The following RPTOR variants were observed in gnomAD, a reference collection of about 807,000 sequenced individuals.
RPTOR encodes the protein regulatory-associated protein of mTOR.
RPTOR carries 21 observed loss-of-function variants against 169.9 expected under a neutral mutation model. The observed-to-expected ratio is 0.12, with a 90% CI of 0.09 to 0.18. The LOEUF is 0.18. RPTOR is among the 10% of genes least tolerant of loss of function. The pLI is 1.00. For synonymous variants in RPTOR, 732 were observed against 753.2 expected (o/e 0.97, Z 0.46); for missense variants, 1,133 against 1,855.9 (o/e 0.61, Z 7.16).
chr17:80,789,542 G>A (rs1046763713), intron 6 of RPTOR, among the ~76,000 whole-genome samples: 18 of 152,296 alleles, frequency 1.2e-4, no homozygotes, highest in African/African-American at 4.3e-4. Flanking sequence ...TCCTGTGTGC[G>A]TGCCCTTCAG....
chr17:80,602,766 A>T, intron 1 of RPTOR: 1 of 730,826 alleles, frequency 1.4e-6, no homozygotes, highest in East Asian at 2.5e-5. Context: ...CATCTCCTTC[A>T]TGTCAAATTT....
intron 25 of RPTOR, among the ~76,000 whole-genome samples, chr17:80,941,579 G>A (rs189745146): frequency 6.6e-6 from 1 of 152,352 alleles, no homozygotes; most frequent in African/African-American, 2.4e-5. Context: ...CTCTGGCTGG[G>A]GGACCTCAAG....
chr17:80,650,413 C>T (rs1026679138), intron 3 of RPTOR, among the ~76,000 whole-genome samples: 1 of 152,210 alleles, frequency 6.6e-6, no homozygotes. Context: ...TCGTGCTGGG[C>T]TCACCGCTCC....
intron 3 of RPTOR, among the ~76,000 whole-genome samples, chr17:80,706,297 C>T (rs2066141545): frequency 6.6e-6 from 1 of 152,148 alleles, no homozygotes; most frequent in African/African-American, 2.4e-5. Flanking sequence ...TAGATTTACT[C>T]TGTCGGTTCT....
chr17:80,925,553 C>A, intron 24 of RPTOR, 73 bp downstream of exon 24: 1 of 1,226,570 alleles, frequency 8.2e-7, no homozygotes, highest in South Asian at 1.2e-5. Context: ...TGAGCATAAA[C>A]GCTCAAGGCT....
chr17:80,607,087 C>T (rs2065234730), intron 1 of RPTOR, among the ~76,000 whole-genome samples: 3 of 152,158 alleles, frequency 2.0e-5, no homozygotes, highest in African/African-American at 4.8e-5. Flanking sequence ...TCAGACCCCA[C>T]GGTCTTAGGG....
chr17:80,676,074 AATT>A (rs762565192), intron 3 of RPTOR, among the ~76,000 whole-genome samples: 1 of 132,050 alleles, frequency 7.6e-6, no homozygotes, highest in Admixed American at 7.4e-5. Context: ...TCTGGTGATA[AATT>A]ATTATACGCA....
chr17:80,572,452 G>A (rs905145866), intron 1 of RPTOR, among the ~76,000 whole-genome samples: 2 of 151,908 alleles, frequency 1.3e-5, no homozygotes, highest in African/African-American at 4.8e-5. Flanking sequence ...CCAGTTTTCT[G>A]TTGAGTTGTG....
At chr17:80,724,548 C>A (rs1459404323) in intron 4 of RPTOR, among the ~76,000 whole-genome samples, 1 of 152,308 alleles carries the variant, frequency 6.6e-6, no homozygotes, top group Admixed American at 6.5e-5. Flanking sequence ...TCCTGTGTAT[C>A]CCAGCTATCC....
At chr17:80,937,876 C>T (rs1276031427) in intron 24 of RPTOR, among the ~76,000 whole-genome samples, 3 of 152,260 alleles carry the variant, frequency 2.0e-5, no homozygotes, top group African/African-American at 7.2e-5. Flanking sequence ...CTGCCTCACG[C>T]CGCACCTCCA....
intron 5 of RPTOR, among the ~76,000 whole-genome samples, chr17:80,750,537 C>T (rs563041983): frequency 7.2e-5 from 11 of 152,174 alleles, no homozygotes; most frequent in Non-Finnish European, 1.3e-4. Flanking sequence ...ATAGCCTTCC[C>T]GTGCCCTCCC....
intron 1 of RPTOR, among the ~76,000 whole-genome samples, chr17:80,548,807 G>T (rs2084310617): frequency 6.6e-6 from 1 of 152,202 alleles, no homozygotes; most frequent in Non-Finnish European, 1.5e-5. Flanking sequence ...GAAATGTGTG[G>T]GCGTGGTTGT....
At chr17:80,593,053 C>T (rs188896719) in intron 1 of RPTOR, among the ~76,000 whole-genome samples, 9 of 152,254 alleles carry the variant, frequency 5.9e-5, no homozygotes, top group African/African-American at 1.9e-4. Flanking sequence ...GCACAGACTG[C>T]GATCTGCTGG....
chr17:80,569,707 C>A (rs1182787495), intron 1 of RPTOR, among the ~76,000 whole-genome samples: 5 of 152,130 alleles, frequency 3.3e-5, no homozygotes, highest in African/African-American at 1.2e-4. Context: ...GAGGCAAAAT[C>A]TATATGTCCC....
chr17:80,892,402 T>C (rs901759920), intron 18 of RPTOR, among the ~76,000 whole-genome samples: 2 of 152,232 alleles, frequency 1.3e-5, no homozygotes, highest in Non-Finnish European at 2.9e-5. Context: ...ATTGCTCTGC[T>C]GCGGCTTCCC....
At chr17:80,774,339 GTA>G in intron 6 of RPTOR, 1 of 985,388 alleles carries the variant, frequency 1.0e-6, no homozygotes, top group Middle Eastern at 5.2e-4. Flanking sequence ...AAGCTGTTGA[GTA>G]TGAATTGTAT....
intron 13 of RPTOR, among the ~76,000 whole-genome samples, chr17:80,875,334 C>T (rs1031949396): frequency 5.3e-5 from 8 of 152,164 alleles, no homozygotes; most frequent in African/African-American, 1.9e-4. Flanking sequence ...ACAACAAATA[C>T]ATGCTTGCAT....
chr17:80,658,766 G>A (rs1286638785), intron 3 of RPTOR, among the ~76,000 whole-genome samples: 1 of 152,078 alleles, frequency 6.6e-6, no homozygotes, highest in Non-Finnish European at 1.5e-5. Context: ...CTTTGCTGTG[G>A]GGCACAGTCT....
intron 3 of RPTOR, among the ~76,000 whole-genome samples, chr17:80,665,933 G>C (rs769525515): frequency 6.6e-6 from 1 of 152,146 alleles, no homozygotes; most frequent in Non-Finnish European, 1.5e-5. Flanking sequence ...TGTTTGTCTC[G>C]TAACCCTGGA....
Sources: allele counts gnomAD v4.1 joint callset (sites outside exome capture counted in the v4.1 genomes callset), GRCh38; gene constraint gnomAD v4.1.1; transcripts MANE v1.5; gene names NCBI Gene and HGNC (gene_info 2026-07-23, HGNC 2026-07-21).